Variants in CADM2 observed in about 807,000 individuals in gnomAD.
CADM2 encodes immunoglobulin superfamily member 4D.
Under a neutral mutation model 49.8 loss-of-function variants are expected in CADM2, and 12 were observed. The ratio of observed to expected loss-of-function variants is 0.24; its 90% CI spans 0.15 to 0.39. The LOEUF is 0.39. Among genes scored for constraint, CADM2 ranks in the 10% least tolerant of loss-of-function variants. The pLI is 1.00. For synonymous variants in CADM2, 214 were observed against 175.4 expected (o/e 1.22, Z -1.74); for missense variants, 378 against 492.3 (o/e 0.77, Z 2.20).
chr3:85,173,587 A>G (rs75947804), intron 1 of CADM2, among the ~76,000 whole-genome samples: 4,617 of 152,284 alleles, frequency 0.03, 98 homozygotes, highest in East Asian at 0.045. Context: ...CTATACACGT[A>G]TACAAGTATA....
At chr3:85,429,618 A>G (rs1333427521) in intron 1 of CADM2, among the ~76,000 whole-genome samples, 2 of 152,136 alleles carry the variant, frequency 1.3e-5, no homozygotes, top group Non-Finnish European at 2.9e-5. Context: ...ATTAGTTAAC[A>G]TCTGCTAATT....
intron 1 of CADM2, among the ~76,000 whole-genome samples, chr3:84,997,837 C>T (rs1311416437): frequency 6.6e-6 from 1 of 151,996 alleles, no homozygotes; most frequent in Admixed American, 6.6e-5. Flanking sequence ...AGTATCCAAG[C>T]AGTTGCTAAA....
chr3:85,125,375 G>GT (rs1003042188), intron 1 of CADM2, among the ~76,000 whole-genome samples: 2,045 of 146,232 alleles, frequency 0.014, 50 homozygotes, highest in African/African-American at 0.044. Context: ...TTAGATTTTT[G>GT]TTTTTTTTTT....
intron 1 of CADM2, among the ~76,000 whole-genome samples, chr3:85,051,238 CA>C (rs540881456): frequency 9.9e-5 from 15 of 152,120 alleles, no homozygotes; most frequent in Non-Finnish European, 2.1e-4. Flanking sequence ...TTATCAGCCC[CA>C]AAAGATTTTA....
chr3:85,705,567 A>G lies in CADM2; in HGVS notation c.62-20955A>G, dbSNP rs61609750. Among the ~76,000 whole-genome samples, 616 of 152,310 alleles carry G rather than the reference A, an allele frequency of 4.0e-3. 3 individuals carry two copies. Among genetic ancestry groups the G allele is most frequent in the African/African-American group, 0.014 (594 of 41,562 alleles). Reference sequence around the variant, plus strand: ...GTTGAGAATGTATTCCTGCAAATCTATTGTTTCCATCATGATTCCTCAATC... The same window carrying G: ...GTTGAGAATGTATTCCTGCAAATCTGTTGTTTCCATCATGATTCCTCAATC... On this transcript the variant is annotated intron_variant, in intron 1 of 9. Coordinates refer to ENST00000383699, the MANE Select transcript of CADM2 (RefSeq NM_001167675.2).
intron 2 of CADM2, among the ~76,000 whole-genome samples, chr3:85,769,337 G>A (rs181754007): frequency 8.9e-5 from 7 of 78,540 alleles, no homozygotes; most frequent in Admixed American, 1.7e-4. Context: ...ATATATACAC[G>A]TATATACATA....
At chr3:85,867,457 T>C (rs1322210022) in intron 3 of CADM2, among the ~76,000 whole-genome samples, 1 of 152,048 alleles carries the variant, frequency 6.6e-6, no homozygotes, top group Non-Finnish European at 1.5e-5. Flanking sequence ...TCCCATAATA[T>C]TATGACCTCT....
intron 1 of CADM2, among the ~76,000 whole-genome samples, chr3:85,511,594 G>A (rs2040618676): frequency 6.6e-6 from 1 of 152,106 alleles, no homozygotes; most frequent in South Asian, 2.1e-4. Context: ...TGGCAGGAAA[G>A]AACTGACAAA....
At chr3:85,656,341 G>A (rs1341542297) in intron 1 of CADM2, among the ~76,000 whole-genome samples, 3 of 152,034 alleles carry the variant, frequency 2.0e-5, no homozygotes, top group Non-Finnish European at 4.4e-5. Flanking sequence ...GAAAAGCCGG[G>A]CGCAGTGGCT....
At chr3:85,315,347 C>G (rs1288855858) in intron 1 of CADM2, among the ~76,000 whole-genome samples, 5 of 152,112 alleles carry the variant, frequency 3.3e-5, no homozygotes, top group Non-Finnish European at 7.3e-5. Context: ...TGTTATGACT[C>G]TTCCTAAATA....
chr3:85,404,124 A>T (rs2035256687), intron 1 of CADM2, among the ~76,000 whole-genome samples: 1 of 152,182 alleles, frequency 6.6e-6, no homozygotes, highest in Non-Finnish European at 1.5e-5. Context: ...TTAGTTTTAA[A>T]TTATTTTATT....
At chr3:85,014,813 T>A (rs2034179961) in intron 1 of CADM2, among the ~76,000 whole-genome samples, 1 of 152,116 alleles carries the variant, frequency 6.6e-6, no homozygotes, top group African/African-American at 2.4e-5. Context: ...ATACCATCAA[T>A]GTTTCATTAT....
At chr3:84,992,750 A>G (rs189650448) in intron 1 of CADM2, among the ~76,000 whole-genome samples, 9 of 152,314 alleles carry the variant, frequency 5.9e-5, no homozygotes, top group Middle Eastern at 3.4e-3. Flanking sequence ...TAGTAAGAGC[A>G]TCTTTATTAT....
intron 1 of CADM2, among the ~76,000 whole-genome samples, chr3:85,056,245 C>T (rs140759002): frequency 1.3e-5 from 2 of 152,112 alleles, no homozygotes; most frequent in African/African-American, 4.8e-5. Flanking sequence ...TAATTCATCA[C>T]AAATGAGAGT....
chr3:85,352,828 C>T (rs578218614), intron 1 of CADM2, among the ~76,000 whole-genome samples: 3 of 152,172 alleles, frequency 2.0e-5, no homozygotes, highest in Admixed American at 6.6e-5. Flanking sequence ...CTACTGTATC[C>T]ATGTGGTTCT....
chr3:85,454,235 G>C (rs1223922623), intron 1 of CADM2, among the ~76,000 whole-genome samples: 1 of 152,048 alleles, frequency 6.6e-6, no homozygotes, highest in African/African-American at 2.4e-5. Context: ...GGAGGCTGAG[G>C]AAGGAGAATC....
chr3:85,023,693 C>T (rs1190245540), intron 1 of CADM2, among the ~76,000 whole-genome samples: 1 of 151,986 alleles, frequency 6.6e-6, no homozygotes, highest in Non-Finnish European at 1.5e-5. Context: ...ATTAATGTTT[C>T]AACATGGAAA....
At chr3:85,315,305 C>T (rs182310272) in intron 1 of CADM2, among the ~76,000 whole-genome samples, 99 of 152,292 alleles carry the variant, frequency 6.5e-4, no homozygotes, top group African/African-American at 2.3e-3. Context: ...GGGTCCATCA[C>T]ACGTTAGTAT....
At chr3:85,500,342 A>G (rs2107663600) in intron 1 of CADM2, among the ~76,000 whole-genome samples, 1 of 152,274 alleles carries the variant, frequency 6.6e-6, no homozygotes. Context: ...AAAAATGCAT[A>G]TGTTTGCAAC....
Sources: allele counts gnomAD v4.1 joint callset (sites outside exome capture counted in the v4.1 genomes callset), GRCh38; gene constraint gnomAD v4.1.1; transcripts MANE v1.5; gene names NCBI Gene and HGNC (gene_info 2026-07-23, HGNC 2026-07-21).